CDC45: variants seen among roughly 807,000 people sequenced by gnomAD.
CDC45 encodes the protein cell division control protein 45 homolog.
In CDC45, 54 loss-of-function variants were observed where a neutral mutation model predicts 77.8. The observed-to-expected ratio is 0.69, with a 90% CI of 0.56 to 0.87. The LOEUF (loss-of-function observed/expected upper bound fraction) is 0.87. CDC45 is among the 40% of genes least tolerant of loss of function. CDC45 has a pLI of 0.00. For synonymous variants in CDC45, 260 were observed against 272.1 expected (o/e 0.96, Z 0.44); for missense variants, 649 against 721.6 (o/e 0.90, Z 1.15).
At chr22:19,488,505 T>C (rs758053330) in intron 5 of CDC45, among the ~76,000 whole-genome samples, 1 of 152,196 alleles carries the variant, frequency 6.6e-6, no homozygotes, top group Non-Finnish European at 1.5e-5. Context: ...GCATGAATAT[T>C]CCAGTCACCC....
intron 7 of CDC45, 92 bp downstream of exon 7, chr22:19,496,121 C>T (rs1479851520): frequency 3.3e-6 from 3 of 909,886 alleles, no homozygotes; most frequent in African/African-American, 3.3e-5. Context: ...TTTAGAGCCA[C>T]AAAAGCCTGG....
At chr22:19,497,997 GTC>G (rs370891460) in intron 8 of CDC45, among the ~76,000 whole-genome samples, 48 of 145,490 alleles carry the variant, frequency 3.3e-4, no homozygotes, top group Middle Eastern at 7.1e-3. Context: ...GTAAAACCCT[GTC>G]TCTACCAAAA....
At chr22:19,493,057 G>T (rs1261091623) in intron 5 of CDC45, among the ~76,000 whole-genome samples, 2 of 151,996 alleles carry the variant, frequency 1.3e-5, no homozygotes, top group African/African-American at 2.4e-5. Context: ...GGGGTGCCTT[G>T]CTACAGCTTC....
intron 15 of CDC45, among the ~76,000 whole-genome samples, chr22:19,515,827 G>T (rs1380041109): frequency 1.3e-5 from 2 of 152,146 alleles, no homozygotes; most frequent in African/African-American, 4.8e-5. Flanking sequence ...TCCGTGAAAT[G>T]GGTGAACACA....
intron 8 of CDC45, among the ~76,000 whole-genome samples, chr22:19,498,514 C>G (rs1477902751): frequency 1.3e-5 from 2 of 152,224 alleles, no homozygotes; most frequent in African/African-American, 4.8e-5. Context: ...CCAGGCCTTG[C>G]CTGGGTCTCA....
chr22:19,519,049 C>T (rs1037998749), intron 18 of CDC45, 140 bp downstream of exon 18: 77 of 700,542 alleles, frequency 1.1e-4, no homozygotes, highest in Non-Finnish European at 1.7e-4. Context: ...GGAGCCAACA[C>T]ATTTTTCCCA....
Position 19,482,697 on chromosome 22 carries a change from A to G in CDC45, c.212A>G (p.Tyr71Cys). 3 of 1,612,932 alleles carry G rather than the reference A, an allele frequency of 1.9e-6. No individual in the cohort carries two copies. The highest frequency in any genetic ancestry group is 2.2e-5 in the South Asian group (2 of 91,016). Reference protein sequence around the residue: ...AFLEHKEQFHYFILINCGANV... With the variant: ...AFLEHKEQFHCFILINCGANV... ...TATCTTCCTTTTTTTCAGTTTCATT[A>G]TTTTATTCTCATAAACTGTGGAGCT... The change falls in exon 4 of 19, where the codon TAT becomes TGT. Residue 71 changes from tyrosine (Y) to cysteine (C), a missense_variant. By Grantham distance (194) the Tyr-to-Cys change is radical (BLOSUM62 -2). Coordinates refer to ENST00000263201, the MANE Select transcript of CDC45 (RefSeq NM_003504.5).
In CDC45 at chr22:19,483,938, A is replaced by T. The variant is rs766316844; in HGVS notation, c.419A>T (p.Asp140Val). Residue 140 changes from aspartate (D) to valine (V), a missense_variant, in exon 5 of 19, where the codon GAT becomes GTT. Coordinates refer to ENST00000263201, the MANE Select transcript of CDC45 (RefSeq NM_003504.5). The stretch of plus-strand genomic sequence containing the variant: ...GACATCTTCAGGGATGAAGAGGAGG[A>T]TGAAGAGCATTCAGGAAATGACAGT... ...YEDIFRDEEE[D>V]EEHSGNDSDG... is the part of the protein sequence containing the mutation. The T allele has an allele frequency of 6.2e-7, 1 of 1,613,938 alleles. No individual in the cohort carries two copies. Among genetic ancestry groups the T allele is most frequent in the Admixed American group, 1.7e-5 (1 of 59,940 alleles).
rs796650638 is a variant in CDC45 at position 19,507,715 on chromosome 22, CT to C, written c.957-50del. 3.4e-6 allele frequency: 5 copies of C among 1,452,238 alleles called. No homozygotes were observed. In the African/African-American group the frequency reaches 7.1e-5, roughly 21 times the overall value. 90.0% of individuals were successfully genotyped at this position (1,452,238 alleles called of 1,614,324 possible). A position where few individuals can be genotyped will look rare whatever the true frequency, so the allele number is the denominator to read the frequency against. ...CCCTTGGTTTGGGTTTCTTTCCACC[CT>C]GTCGGTGTGTGGTGACCTCACTCAT... On this transcript the variant is annotated intron_variant, in intron 11 of 18. Coordinates refer to ENST00000263201, the MANE Select transcript of CDC45 (RefSeq NM_003504.5).
chr22:19,507,341 A>G, intron 10 of CDC45, 45 bp from the exon 11 acceptor site: 1 of 1,602,320 alleles, frequency 6.2e-7, no homozygotes. Flanking sequence ...GAGAGTGCTC[A>G]GGGCGGCCAG....
At chr22:19,482,971 T>A (rs2090007814) in intron 4 of CDC45, 144 bp downstream of exon 4, 10 of 161,624 alleles carry the variant, frequency 6.2e-5, no homozygotes, top group East Asian at 4.3e-4. Context: ...CTTTGTCATC[T>A]TTTTTTTTTT....
intron 13 of CDC45, among the ~76,000 whole-genome samples, chr22:19,510,379 A>T (rs1933446506): frequency 3.3e-5 from 5 of 152,160 alleles, no homozygotes; most frequent in Admixed American, 6.5e-5. Flanking sequence ...GGCAACCACC[A>T]GTCTCCCTTT....
intron 3 of CDC45, among the ~76,000 whole-genome samples, chr22:19,481,325 C>A (rs2089979246): frequency 6.6e-6 from 1 of 152,042 alleles, no homozygotes; most frequent in African/African-American, 2.4e-5. Context: ...TGGAATCTAG[C>A]AGTTTTTAAT....
chr22:19,511,477 T>A (rs73162626), intron 13 of CDC45, among the ~76,000 whole-genome samples: 7,133 of 152,040 alleles, frequency 0.047, 221 homozygotes, highest in Middle Eastern at 0.15. Flanking sequence ...ATTACAGGCA[T>A]GAGCTACCAC....
chr22:19,481,496 A>G (rs2089982234), intron 3 of CDC45, among the ~76,000 whole-genome samples: 1 of 151,876 alleles, frequency 6.6e-6, no homozygotes, highest in Non-Finnish European at 1.5e-5. Flanking sequence ...CTTCTGCCTC[A>G]GCCTCCTGAG....
chr22:19,518,188 G>A (rs937433217), intron 17 of CDC45, among the ~76,000 whole-genome samples: 1 of 152,228 alleles, frequency 6.6e-6, no homozygotes, highest in African/African-American at 2.4e-5. Flanking sequence ...GACTCGGGCT[G>A]GGAACTGCTT....
intron 9 of CDC45, among the ~76,000 whole-genome samples, chr22:19,499,936 C>T (rs1352142309): frequency 6.6e-6 from 1 of 152,162 alleles, no homozygotes; most frequent in Non-Finnish European, 1.5e-5. Flanking sequence ...TTGAATAGGC[C>T]CCATGCCACT....
chr22:19,518,642 G>A (rs1209606524), intron 17 of CDC45, among the ~76,000 whole-genome samples: 1 of 152,120 alleles, frequency 6.6e-6, no homozygotes, highest in East Asian at 1.9e-4. Context: ...CCCCAACCCT[G>A]ACCTCTCTAG....
At chr22:19,494,490 T>G (rs2090207010) in intron 6 of CDC45, 108 bp downstream of exon 6, 2 of 1,559,630 alleles carry the variant, frequency 1.3e-6, no homozygotes, top group Non-Finnish European at 8.7e-7. Flanking sequence ...TTATTGAGTT[T>G]AGAACCTTTG....
Sources: allele counts gnomAD v4.1 joint callset (sites outside exome capture counted in the v4.1 genomes callset), GRCh38; gene constraint gnomAD v4.1.1; transcripts MANE v1.5; gene names NCBI Gene and HGNC (gene_info 2026-07-23, HGNC 2026-07-21).